The following RPTOR variants were observed in gnomAD, a reference collection of about 807,000 sequenced individuals.
The protein encoded by RPTOR is regulatory associated protein of MTOR complex 1, also known as regulatory-associated protein of mTOR.
RPTOR carries 21 observed loss-of-function variants against 169.9 expected under a neutral mutation model. The ratio of observed to expected loss-of-function variants is 0.12; its 90% CI spans 0.09 to 0.18. RPTOR has a LOEUF of 0.18. RPTOR is among the 10% of genes least tolerant of loss of function. The pLI, the probability that RPTOR is intolerant of heterozygous loss-of-function variation, is 1.00. For synonymous variants in RPTOR, 732 were observed against 753.2 expected, an observed-to-expected ratio of 0.97 and a Z score of 0.46; for missense variants, 1,133 against 1,855.9, an observed-to-expected ratio of 0.61 and a Z score of 7.16.
At chr17:80,554,518 C>T (rs2084382255) in intron 1 of RPTOR, among the ~76,000 whole-genome samples, 1 of 152,002 alleles carries the variant, frequency 6.6e-6, no homozygotes, top group Non-Finnish European at 1.5e-5. Context: ...CTGAGGCGGG[C>T]AGATCATGAG....
chr17:80,889,974 C>T (rs1201189421), intron 17 of RPTOR, among the ~76,000 whole-genome samples: 1 of 91,216 alleles, frequency 1.1e-5, no homozygotes, highest in Non-Finnish European at 2.7e-5. Context: ...GGCCCCCGTA[C>T]ACAGCAGGAT....
At chr17:80,606,245 C>T (rs1479023683) in intron 1 of RPTOR, among the ~76,000 whole-genome samples, 3 of 150,740 alleles carry the variant, frequency 2.0e-5, no homozygotes, top group Non-Finnish European at 2.9e-5. Flanking sequence ...CTGCTGACCT[C>T]GTGATCCACC....
At chr17:80,806,474 G>A (rs766411047) in intron 7 of RPTOR, among the ~76,000 whole-genome samples, 5 of 152,168 alleles carry the variant, frequency 3.3e-5, no homozygotes, top group Non-Finnish European at 7.3e-5. Context: ...ACGAACCTGT[G>A]AATATGTATC....
intron 1 of RPTOR, among the ~76,000 whole-genome samples, chr17:80,589,361 C>G (rs1300275886): frequency 6.6e-6 from 1 of 152,174 alleles, no homozygotes; most frequent in African/African-American, 2.4e-5. Context: ...ACTCCTGTCT[C>G]TGTGGCTGCT....
intron 3 of RPTOR, among the ~76,000 whole-genome samples, chr17:80,664,703 G>C (rs1160748940): frequency 1.3e-5 from 2 of 152,220 alleles, no homozygotes; most frequent in Non-Finnish European, 2.9e-5. Flanking sequence ...GGGAGTCTGA[G>C]TCTCCAAAGG....
At chr17:80,670,168 A>G (rs1376060722) in intron 3 of RPTOR, among the ~76,000 whole-genome samples, 1 of 152,178 alleles carries the variant, frequency 6.6e-6, no homozygotes, top group Non-Finnish European at 1.5e-5. Context: ...TTTCTTGTTC[A>G]CTGTAAGGTT....
chr17:80,550,050 A>G (rs1367182138), intron 1 of RPTOR, among the ~76,000 whole-genome samples: 1 of 152,210 alleles, frequency 6.6e-6, no homozygotes, highest in Non-Finnish European at 1.5e-5. Flanking sequence ...CAACTAATAC[A>G]TGGACTGCCA....
chr17:80,691,716 G>A (rs1029273852), intron 3 of RPTOR, among the ~76,000 whole-genome samples: 7 of 152,178 alleles, frequency 4.6e-5, no homozygotes, highest in Non-Finnish European at 8.8e-5. Context: ...TCTCCAGGGA[G>A]TCTTGGTTTC....
chr17:80,935,540 T>C (rs900059680), intron 24 of RPTOR, among the ~76,000 whole-genome samples: 6 of 152,154 alleles, frequency 3.9e-5, no homozygotes, highest in African/African-American at 1.4e-4. Context: ...AGCCCAGAAA[T>C]TGGTCTACAC....
intron 20 of RPTOR, among the ~76,000 whole-genome samples, chr17:80,899,656 C>T (rs1288362285): frequency 6.6e-6 from 1 of 152,268 alleles, no homozygotes; most frequent in South Asian, 2.1e-4. Context: ...CCCCTTGGCA[C>T]TTCCCCAACA....
At position 80,908,873 on chromosome 17, in the gene RPTOR, C is replaced by T. The variant is rs778993531; in HGVS notation, c.2464C>T (p.Pro822Ser). Residue 822 changes from proline (P) to serine (S), a missense_variant, in exon 21 of 34, where the codon CCC (proline) becomes TCC (serine). Physicochemically the swap from Pro to Ser is moderately conservative, Grantham distance 74 (BLOSUM62 -1). This residue lies in a region of RPTOR where 123 missense variants were observed against 129.0 expected (regional missense o/e 0.95). Transcript: ENST00000306801. The stretch of plus-strand genomic sequence containing the variant: ...AGTCCTGCTGCACCTGGCTGCTGAC[C>T]CCTATCCAGAGGTCTCGGACGTGGC... ...WRVLLHLAADPYPEVSDVAMK... is the reference protein window; with the variant it reads ...WRVLLHLAADSYPEVSDVAMK... The T allele has an allele frequency of 6.2e-6, 10 of 1,614,118 alleles. No individual in the cohort carries two copies. The highest frequency in any genetic ancestry group is 3.3e-5 in the South Asian group (3 of 91,080).
At position 80,598,462 on chromosome 17, in the gene RPTOR, A is replaced by C. The variant is rs76050469; in HGVS notation, c.163-27229A>C. Among the ~76,000 whole-genome samples, 292 of 152,338 alleles carry C rather than the reference A, an allele frequency of 1.9e-3. 1 individual carries two copies. The highest frequency in any genetic ancestry group is 6.8e-3 in the African/African-American group (282 of 41,572). On this transcript the variant is annotated intron_variant, in intron 1 of 33. Transcript: ENST00000306801. Reference sequence around the variant, plus strand: ...TGTACTGTTTTTGATATTGTATTCTAAGATGGTCATTGCTTCTTATTAGGA... The same window carrying C: ...TGTACTGTTTTTGATATTGTATTCTCAGATGGTCATTGCTTCTTATTAGGA...
intron 2 of RPTOR, among the ~76,000 whole-genome samples, chr17:80,634,293 C>CTA (rs1270340884): frequency 4.9e-5 from 5 of 102,032 alleles, no homozygotes; most frequent in Non-Finnish European, 7.9e-5. Flanking sequence ...TGTGTGCGTA[C>CTA]TGTGTGTGTG....
rs1224024500 is a variant in RPTOR, at chr17:80,840,364, ACT to A, written c.1212+2371_1212+2372del. On this transcript the variant is annotated intron_variant, in intron 10 of 33. Coordinates refer to ENST00000306801, the MANE Select transcript of RPTOR (RefSeq NM_020761.3). Reference sequence around the variant, plus strand: ...GCTCACACTCACCACACGGCAGCTCACTCTCACCACACGGCAGCTCACTCTCA... The same window carrying A: ...GCTCACACTCACCACACGGCAGCTCACTCACCACACGGCAGCTCACTCTCA... Among the ~76,000 whole-genome samples the A allele has an allele frequency of 5.6e-5, 8 of 143,580 alleles. No individual in the cohort carries two copies. The East Asian group carries it at 1.2e-3, about 22-fold the overall frequency. 94.2% of individuals were successfully genotyped at this position (143,580 alleles called of 152,430 possible). A position where few individuals can be genotyped will look rare whatever the true frequency, so the allele number is the denominator to read the frequency against.
rs1307304627 is a variant in RPTOR, at chr17:80,885,708, A to AT, written c.1983+566dup. Among the ~76,000 whole-genome samples, 3 of 151,880 alleles carry AT rather than the reference A, an allele frequency of 2.0e-5. No homozygotes were observed. In the South Asian group the frequency reaches 6.2e-4, roughly 32 times the overall value. ...AGGTGCCCGCCACCACACTCGGCTA[A>AT]TTTTTTGTATTTTTAGTAGAGATGG... On this transcript the variant is annotated intron_variant, in intron 17 of 33. Transcript: ENST00000306801.
At chr17:80,677,254 A>T (rs563637039) in intron 3 of RPTOR, among the ~76,000 whole-genome samples, 1 of 152,272 alleles carries the variant, frequency 6.6e-6, no homozygotes, top group African/African-American at 2.4e-5. Flanking sequence ...CTTCAATTCT[A>T]TGCTCTTCAG....
intron 14 of RPTOR, among the ~76,000 whole-genome samples, chr17:80,882,015 A>T (rs983484676): frequency 6.6e-6 from 1 of 152,230 alleles, no homozygotes; most frequent in Non-Finnish European, 1.5e-5. Context: ...TGAAAAAACA[A>T]ATTGAAGCTG....
Position 80,633,093 on chromosome 17 carries a change from A to G in RPTOR, c.265+7300A>G, listed in dbSNP as rs192797208. On this transcript the variant is annotated intron_variant, in intron 2 of 33. Coordinates refer to ENST00000306801, the MANE Select transcript of RPTOR (RefSeq NM_020761.3). This position sits in a 1 kb window ranked among gnomAD's most constrained non-coding sequence, Gnocchi z 4.1. ...AATGACCGGCATGAGCTACCACACT[A>G]GGCCCATTTTTCATTTTGAAAAAAA... is the stretch of plus-strand genomic sequence containing the variant. 1.7e-3 allele frequency among the ~76,000 whole-genome samples: 256 copies of G among 152,274 alleles called. No homozygotes were observed. The highest frequency in any genetic ancestry group is 2.5e-3 in the Non-Finnish European group (171 of 68,016).
intron 6 of RPTOR, among the ~76,000 whole-genome samples, chr17:80,781,964 G>A (rs12949402): frequency 0.18 from 26,709 of 152,204 alleles, 2,789 homozygotes; most frequent in East Asian, 0.24. Flanking sequence ...GTCACCAGGC[G>A]TGCAGCCATG....
Sources: gnomAD v4.1 joint callset for allele counts (sites outside exome capture counted in the v4.1 genomes callset) on GRCh38, gnomAD v4.1.1 for gene constraint, gnomAD v4.1.1 regional missense constraint, Gnocchi (gnomAD v3.1) non-coding constraint, MANE v1.5 for transcripts, NCBI Gene and HGNC (gene_info 2026-07-23, HGNC 2026-07-21) for gene names.